Variants in CD207 observed in about 807,000 individuals in gnomAD.
CD207 encodes the protein C-type lectin domain family 4 member K.
In CD207, 28 loss-of-function variants were observed where a neutral mutation model predicts 31.6. The ratio of observed to expected loss-of-function variants is 0.89; its 90% CI spans 0.66 to 1.21. The LOEUF is 1.21. CD207 is among the 50% of genes most tolerant of loss of function. The pLI, the probability that CD207 is intolerant of heterozygous loss-of-function variation, is 0.00. For missense variants in CD207, 388 were observed against 397.8 expected (o/e 0.98, Z 0.21); for synonymous variants, 168 against 153.9 (o/e 1.09, Z -0.68).
At chr2:70,834,732 G>A (rs1278957586) in intron 2 of CD207, among the ~76,000 whole-genome samples, 1 of 152,230 alleles carries the variant, frequency 6.6e-6, no homozygotes. Flanking sequence ...TGGGGCAAGG[G>A]GGACTCTGCT....
chr2:70,830,048 G>A (rs1316298846), downstream of CD207, among the ~76,000 whole-genome samples: 1 of 152,146 alleles, frequency 6.6e-6, no homozygotes, highest in African/African-American at 2.4e-5. Context: ...ATAAGTACTG[G>A]TCACATTTTG....
downstream of CD207, among the ~76,000 whole-genome samples, chr2:70,826,595 T>A (rs1449552108): frequency 6.6e-6 from 1 of 152,140 alleles, no homozygotes; most frequent in Non-Finnish European, 1.5e-5. Context: ...ACCAAGCAGA[T>A]CTTCAACTCC....
chr2:70,828,911 C>G (rs575333768), downstream of CD207, among the ~76,000 whole-genome samples: 10 of 152,288 alleles, frequency 6.6e-5, 1 homozygote, highest in South Asian at 2.1e-3. Flanking sequence ...GTGACCCACC[C>G]ACTTCAGCCT....
At chr2:70,825,687 C>T (rs555752373), downstream of CD207, among the ~76,000 whole-genome samples, 200 of 152,152 alleles carry the variant, frequency 1.3e-3, no homozygotes, top group African/African-American at 4.4e-3. Context: ...TACAGGCACA[C>T]GCCACCACAC....
chr2:70,825,895 A>G (rs74791933), downstream of CD207, among the ~76,000 whole-genome samples: 91,450 of 151,504 alleles, frequency 0.6, 28,059 homozygotes, highest in Middle Eastern at 0.7. Context: ...CCTGTAATCT[A>G]AGCACTTTGG....
downstream of CD207, among the ~76,000 whole-genome samples, chr2:70,828,141 G>C (rs1553399129): frequency 6.6e-6 from 1 of 152,204 alleles, no homozygotes; most frequent in Non-Finnish European, 1.5e-5. Context: ...AAATACTGTG[G>C]GGTCCATGAT....
chr2:70,824,622 CAA>C, the CD207 span, among the ~76,000 whole-genome samples: 497 of 38,760 alleles, frequency 0.013, 1 homozygote, highest in African/African-American at 0.047. Context: ...GCTTAGTTAC[CAA>C]AAAAAAAAAA....
chr2:70,830,844 T>G lies in CD207; in HGVS notation c.*206A>C. 2.1e-6 allele frequency: 1 copy of G among 471,110 alleles called. No individual in the cohort carries two copies. Among genetic ancestry groups the G allele is most frequent in the African/African-American group, 2.0e-5 (1 of 50,860 alleles). 29.2% of individuals were successfully genotyped at this position (471,110 alleles called of 1,614,324 possible). Reference sequence around the variant, plus strand: ...TCTACCCACCCCTCCCACTTTAACCTGAATTCTCCTTTCCATTCCAGCTGC... The same window carrying G: ...TCTACCCACCCCTCCCACTTTAACCGGAATTCTCCTTTCCATTCCAGCTGC... On this transcript the variant is annotated 3_prime_UTR_variant, in exon 6 of 6. Coordinates refer to ENST00000410009, the MANE Select transcript of CD207 (RefSeq NM_015717.5).
intron 3 of CD207, 77 bp downstream of exon 3, chr2:70,833,569 C>T: frequency 1.4e-6 from 2 of 1,448,376 alleles, no homozygotes; most frequent in Middle Eastern, 2.0e-4. Context: ...CCCACCAGCC[C>T]AATGGCCTCA....
At chr2:70,824,949 C>G in the CD207 span, among the ~76,000 whole-genome samples, 1 of 152,126 alleles carries the variant, frequency 6.6e-6, no homozygotes, top group Admixed American at 6.5e-5. Flanking sequence ...TGACTTCCTT[C>G]CAAAAAGTTC....
chr2:70,824,799 C>G, the CD207 span, among the ~76,000 whole-genome samples: 4 of 152,122 alleles, frequency 2.6e-5, no homozygotes, highest in African/African-American at 9.7e-5. Flanking sequence ...TGAGTCCATA[C>G]TGACATAAAT....
chr2:70,833,550 C>T, intron 3 of CD207, 96 bp downstream of exon 3: 1 of 1,384,806 alleles, frequency 7.2e-7, no homozygotes, highest in East Asian at 2.5e-5. Context: ...CCCCCACTCT[C>T]CTCCCCAACC....
chr2:70,833,296 T>A (rs1301480188), intron 3 of CD207, among the ~76,000 whole-genome samples: 1 of 152,078 alleles, frequency 6.6e-6, no homozygotes, highest in African/African-American at 2.4e-5. Context: ...GTCTTCCCCA[T>A]GATGAGGAAG....
At chr2:70,831,660 C>T (rs1438078821) in intron 5 of CD207, 41 bp downstream of exon 5, 9 of 1,245,976 alleles carry the variant, frequency 7.2e-6, no homozygotes, top group East Asian at 4.6e-5. Context: ...TGGCCATGGC[C>T]GGGGAAAGTC....
rs41285965 is a variant in CD207, at chr2:70,833,920, C to T, written c.291G>A (p.Lys97=). 0.061 allele frequency: 97,222 copies of T among 1,593,374 alleles called. 3,998 individuals carry two copies. Among genetic ancestry groups the T allele is most frequent in the African/African-American group, 0.15 (11,145 of 74,064 alleles). ...CAGCTGCCTCCATGCCGTCACTATT[C>T]TTTTTAATTTCAGAATCCAGGGTGC... ...NISTLDSEIK[K]NSDGMEAAGV... is the part of the protein sequence containing the mutation. The change falls in exon 3 of 6, where the codon AAG becomes AAA. Residue 97 remains lysine (K), a synonymous_variant. Coordinates refer to ENST00000410009, the MANE Select transcript of CD207 (RefSeq NM_015717.5).
chr2:70,828,793 G>A (rs909358355), downstream of CD207, among the ~76,000 whole-genome samples: 1 of 152,258 alleles, frequency 6.6e-6, no homozygotes, highest in East Asian at 1.9e-4. Flanking sequence ...AGTCTCCCAA[G>A]TAGTTGGAAT....
rs782683763 is a variant in CD207 at position 70,833,761 on chromosome 2, TA to T, written c.449del (p.Leu150Ter). The T allele has an allele frequency of 1.1e-5, 17 of 1,613,918 alleles. No individual in the cohort carries two copies. The highest frequency in any genetic ancestry group is 1.3e-5 in the Non-Finnish European group (15 of 1,179,912). On this transcript the variant is annotated frameshift_variant, in exon 3 of 6. Coordinates refer to ENST00000410009, the MANE Select transcript of CD207 (RefSeq NM_015717.5). LOFTEE classifies it high-confidence loss of function. ...TTTTTAACTCTGGGATTTGGGCATT[TA>T]AGGTACTGACTTCTTCCCAACTTCT... is the stretch of plus-strand genomic sequence containing the variant. ...LTRSWEEVSTLNAQIPELKSD... is the reference protein window; with the variant it reads ...LTRSWEEVSTXNAQIPELKSD...
downstream of CD207, among the ~76,000 whole-genome samples, chr2:70,827,748 G>C (rs1553399066): frequency 6.6e-6 from 1 of 151,580 alleles, no homozygotes; most frequent in Non-Finnish European, 1.5e-5. Flanking sequence ...AGAGGAGAGA[G>C]AGAAAGAGAA....
chr2:70,832,568 A>G (rs1233964778), intron 4 of CD207, among the ~76,000 whole-genome samples: 1 of 152,210 alleles, frequency 6.6e-6, no homozygotes, highest in Non-Finnish European at 1.5e-5. Context: ...TACTTAACTT[A>G]ATTAACATAA....
Sources: allele counts gnomAD v4.1 joint callset (sites outside exome capture counted in the v4.1 genomes callset), GRCh38; gene constraint gnomAD v4.1.1; transcripts MANE v1.5; gene names NCBI Gene and HGNC (gene_info 2026-07-23, HGNC 2026-07-21).